TRAM2: variants seen among roughly 807,000 people sequenced by gnomAD.
TRAM2 encodes translocating chain-associated membrane protein 2.
In TRAM2, 12 loss-of-function variants were observed where a neutral mutation model predicts 51.0. That is an observed-to-expected ratio of 0.24 (90% CI 0.15 to 0.38). The LOEUF is 0.38. TRAM2 is among the 10% of genes least tolerant of loss of function. The probability of loss-of-function intolerance (pLI) is 1.00; values close to 1 mark genes in which losing one functional copy is unlikely to be tolerated. For missense variants in TRAM2, 361 were observed against 462.0 expected (o/e 0.78, Z 2.00); for synonymous variants, 175 against 179.4 (o/e 0.98, Z 0.20).
chr6:52,566,802 A>T (rs1208956633), intron 1 of TRAM2, among the ~76,000 whole-genome samples: 1 of 152,030 alleles, frequency 6.6e-6, no homozygotes, highest in African/African-American at 2.4e-5. Context: ...ATCTATCCCT[A>T]TTCTGAGCTA....
At chr6:52,540,609 T>C (rs1767060180) in intron 1 of TRAM2, among the ~76,000 whole-genome samples, 1 of 152,170 alleles carries the variant, frequency 6.6e-6, no homozygotes, top group African/African-American at 2.4e-5. Flanking sequence ...ACCCCAAGTC[T>C]TCACTCCATG....
chr6:52,529,051 C>T (rs1039162429), intron 2 of TRAM2, among the ~76,000 whole-genome samples: 14 of 152,172 alleles, frequency 9.2e-5, no homozygotes, highest in East Asian at 5.8e-4. Context: ...CCACCACGCC[C>T]GGCTAATTTT....
intron 2 of TRAM2, among the ~76,000 whole-genome samples, chr6:52,518,989 C>T (rs2114072842): frequency 6.6e-6 from 1 of 152,292 alleles, no homozygotes; most frequent in South Asian, 2.1e-4. Context: ...GGTCACCTGC[C>T]ATTCTTGATA....
At chr6:52,535,687 A>T in intron 2 of TRAM2, 96 bp downstream of exon 2, 2 of 356,950 alleles carry the variant, frequency 5.6e-6, no homozygotes, top group Non-Finnish European at 8.1e-6. Flanking sequence ...GTCATGGGGG[A>T]AAAAAAAAAA....
intron 1 of TRAM2, among the ~76,000 whole-genome samples, chr6:52,549,257 TCCCTCCTTCCCTCCCTCCCTC>T (rs1002615578): frequency 1.4e-5 from 2 of 140,444 alleles, no homozygotes; most frequent in African/African-American, 5.2e-5. Flanking sequence ...TTCCCTCCCT[TCCCTCCTTCCCTCCCTCCCTC>T]CCTTCCTTCC....
intron 1 of TRAM2, among the ~76,000 whole-genome samples, chr6:52,548,478 C>G (rs1193691047): frequency 6.6e-6 from 1 of 152,220 alleles, no homozygotes; most frequent in Admixed American, 6.5e-5. Flanking sequence ...TAAGGAACTG[C>G]TACATTACTA....
At chr6:52,568,183 C>T (rs1174840036) in intron 1 of TRAM2, among the ~76,000 whole-genome samples, 2 of 152,216 alleles carry the variant, frequency 1.3e-5, no homozygotes, top group South Asian at 2.1e-4. Context: ...GCTGCAGGCC[C>T]TCCATTGGCA....
intron 2 of TRAM2, among the ~76,000 whole-genome samples, chr6:52,534,561 G>C (rs778104592): frequency 3.3e-5 from 5 of 152,184 alleles, no homozygotes; most frequent in Non-Finnish European, 7.3e-5. Flanking sequence ...TGTGCCCGAG[G>C]GCTGGACTCA....
chr6:52,509,328 G>A (rs1392837885), intron 5 of TRAM2, among the ~76,000 whole-genome samples, 200 bp downstream of exon 5: 1 of 152,230 alleles, frequency 6.6e-6, no homozygotes, highest in Non-Finnish European at 1.5e-5. Context: ...CAGCACAGAT[G>A]GAATTTCATC....
At chr6:52,563,165 AT>A (rs754014954) in intron 1 of TRAM2, among the ~76,000 whole-genome samples, 2 of 152,212 alleles carry the variant, frequency 1.3e-5, no homozygotes, top group Admixed American at 6.5e-5. Context: ...GGTTAAATGA[AT>A]TAAGGTGACC....
At chr6:52,570,685 C>T (rs865785232) in intron 1 of TRAM2, among the ~76,000 whole-genome samples, 2 of 151,952 alleles carry the variant, frequency 1.3e-5, no homozygotes, top group Non-Finnish European at 2.9e-5. Flanking sequence ...AAAGCCGTCA[C>T]GAGGCAACGT....
At position 52,499,795 on chromosome 6, in the gene TRAM2, A is replaced by C. The variant is rs2114052132; in HGVS notation, c.*3402T>G. 6.6e-6 allele frequency: 1 copy of C among 152,280 alleles called. No homozygotes were observed. The highest frequency in any genetic ancestry group is 2.1e-4 in the South Asian group (1 of 4,816). The allele number at this position is 152,280 out of a possible 1,614,324, so 9.4% of individuals were successfully genotyped here. A position where few individuals can be genotyped will look rare whatever the true frequency, so the allele number is the denominator to read the frequency against. Reference sequence around the variant, plus strand: ...TTATGCCTTGGGACATGAACAGACAAGTTTCTCAGCAACCATTTCGGTCTG... The same window carrying C: ...TTATGCCTTGGGACATGAACAGACACGTTTCTCAGCAACCATTTCGGTCTG... On this transcript the variant is annotated 3_prime_UTR_variant, in exon 11 of 11. Transcript: ENST00000182527.
intron 1 of TRAM2, among the ~76,000 whole-genome samples, chr6:52,550,782 C>A (rs1175241815): frequency 6.6e-6 from 1 of 152,044 alleles, no homozygotes; most frequent in Non-Finnish European, 1.5e-5. Flanking sequence ...GAACTCCTGG[C>A]CTCAAGAGAT....
intron 1 of TRAM2, among the ~76,000 whole-genome samples, chr6:52,542,641 T>G (rs1420798521): frequency 6.6e-6 from 1 of 152,226 alleles, no homozygotes; most frequent in Non-Finnish European, 1.5e-5. Flanking sequence ...CAACAGATTC[T>G]CTACAAGCCT....
chr6:52,548,142 T>G (rs891571385), intron 1 of TRAM2, among the ~76,000 whole-genome samples: 12 of 152,360 alleles, frequency 7.9e-5, no homozygotes, highest in African/African-American at 2.9e-4. Context: ...ATTGAGCACA[T>G]GCTCTGGGCA....
At chr6:52,515,749 T>C (rs540406398) in intron 4 of TRAM2, 7 of 439,924 alleles carry the variant, frequency 1.6e-5, no homozygotes, top group African/African-American at 1.2e-4. Context: ...CAGTATTGCA[T>C]AATGATTATA....
chr6:52,519,115 T>C (rs1766613915), intron 2 of TRAM2, among the ~76,000 whole-genome samples: 1 of 152,214 alleles, frequency 6.6e-6, no homozygotes, highest in South Asian at 2.1e-4. Flanking sequence ...CCTGCGCACA[T>C]GCATCCTCAT....
At chr6:52,519,171 C>A (rs931789787) in intron 2 of TRAM2, among the ~76,000 whole-genome samples, 1 of 152,202 alleles carries the variant, frequency 6.6e-6, no homozygotes. Flanking sequence ...CACTGGGAGA[C>A]GGCAGTGAGC....
intron 4 of TRAM2, among the ~76,000 whole-genome samples, chr6:52,511,468 A>T: frequency 6.6e-6 from 1 of 152,184 alleles, no homozygotes; most frequent in East Asian, 1.9e-4. Flanking sequence ...ACTTCAGGCT[A>T]GGTTGCTTCA....
Sources: allele counts gnomAD v4.1 joint callset (sites outside exome capture counted in the v4.1 genomes callset), GRCh38; gene constraint gnomAD v4.1.1; transcripts MANE v1.5; gene names NCBI Gene and HGNC (gene_info 2026-07-23, HGNC 2026-07-21).